The following YY1AP1 variants were observed in gnomAD, a reference collection of about 807,000 sequenced individuals.
The protein encoded by YY1AP1 is YY1 associated protein 1, also known as YY1-associated protein 1.
Under a neutral mutation model 39.9 loss-of-function variants are expected in YY1AP1, and 43 were observed. That is an observed-to-expected ratio of 1.08 (90% CI 0.84 to 1.39). YY1AP1 has a LOEUF of 1.39. Among genes scored for constraint, YY1AP1 ranks in the 40% most tolerant of loss-of-function variants. The pLI is 0.00. For missense variants in YY1AP1, 813 were observed against 900.7 expected (o/e 0.90, Z 1.25); for synonymous variants, 292 against 331.3 (o/e 0.88, Z 1.29).
chr1:155,688,358 T>G, intron 1 of YY1AP1, 157 bp from the exon 2 acceptor site: 1 of 1,547,190 alleles, frequency 6.5e-7, no homozygotes, highest in Non-Finnish European at 8.7e-7. Flanking sequence ...CCGCGGCAGC[T>G]CCTCCAGAGG....
chr1:155,682,798 T>C (rs1414981700), intron 2 of YY1AP1, among the ~76,000 whole-genome samples: 1 of 152,078 alleles, frequency 6.6e-6, no homozygotes, highest in African/African-American at 2.4e-5. Context: ...CAGAAGAATT[T>C]TGCTCTTCTG....
At chr1:155,682,884 G>A (rs113211961) in intron 2 of YY1AP1, among the ~76,000 whole-genome samples, 3,538 of 151,328 alleles carry the variant, frequency 0.023, 143 homozygotes, top group African/African-American at 0.082. Flanking sequence ...TCAGGAGTTC[G>A]AGACCAGCCT....
chr1:155,684,731 G>T (rs986927654), intron 2 of YY1AP1, among the ~76,000 whole-genome samples: 1 of 151,974 alleles, frequency 6.6e-6, no homozygotes, highest in East Asian at 1.9e-4. Flanking sequence ...GACTACAGGT[G>T]CACTCCAACA....
intron 7 of YY1AP1, chr1:155,672,310 T>C (rs937277148): frequency 1.4e-5 from 8 of 565,564 alleles, no homozygotes; most frequent in Admixed American, 8.8e-5. Context: ...GCACTGAGCC[T>C]CAGATCTCTA....
intron 7 of YY1AP1, 119 bp from the exon 8 acceptor site, chr1:155,670,583 A>G (rs1649703673): frequency 9.6e-7 from 1 of 1,038,938 alleles, no homozygotes; most frequent in Admixed American, 2.3e-5. Flanking sequence ...ATTCCCTCCC[A>G]TCTGCCTACC....
intron 8 of YY1AP1, 47 bp downstream of exon 8, chr1:155,670,273 C>G: frequency 9.3e-6 from 15 of 1,611,070 alleles, no homozygotes; most frequent in Non-Finnish European, 1.3e-5. Context: ...CTCAAAGGAA[C>G]TACATCTTCT....
chr1:155,686,600 T>C (rs1652409555), intron 2 of YY1AP1, among the ~76,000 whole-genome samples: 2 of 152,190 alleles, frequency 1.3e-5, no homozygotes, highest in South Asian at 2.1e-4. Context: ...TTATATTTGT[T>C]GAATGAGTGA....
chr1:155,672,285 G>A (rs912641249), intron 7 of YY1AP1: 1 of 514,080 alleles, frequency 1.9e-6, no homozygotes, highest in Non-Finnish European at 3.5e-6. Flanking sequence ...TCATATTGCT[G>A]TAGTCCAATT....
intron 2 of YY1AP1, among the ~76,000 whole-genome samples, chr1:155,686,837 C>T (rs1237948831): frequency 6.6e-6 from 1 of 151,986 alleles, no homozygotes; most frequent in Non-Finnish European, 1.5e-5. Context: ...CTGACACAAT[C>T]GGTCTCCCCC....
Position 155,688,711 on chromosome 1 carries a change from C to T in YY1AP1, c.-204G>A. On this transcript the variant is annotated 5_prime_UTR_variant, in exon 1 of 11. Transcript: ENST00000355499. ...CCACCTCCTCTTCTCTCCTCCCCCTCCCTCCCCGCCCGCACGGCCACCAAC... is the reference window on the plus strand; with the variant it reads ...CCACCTCCTCTTCTCTCCTCCCCCTTCCTCCCCGCCCGCACGGCCACCAAC... 1 of 1,519,644 alleles carries T rather than the reference C, an allele frequency of 6.6e-7. No homozygotes were observed. The highest frequency in any genetic ancestry group is 1.9e-4 in the Middle Eastern group (1 of 5,230). 94.1% of individuals were successfully genotyped at this position (1,519,644 alleles called of 1,614,324 possible).
intron 2 of YY1AP1, among the ~76,000 whole-genome samples, chr1:155,686,514 C>T (rs1386797786): frequency 1.3e-5 from 2 of 152,156 alleles, no homozygotes; most frequent in Admixed American, 6.5e-5. Context: ...AACAACTCCC[C>T]TCAGATTGCA....
At chr1:155,666,783 T>C (rs1649075130) in intron 9 of YY1AP1, among the ~76,000 whole-genome samples, 1 of 151,894 alleles carries the variant, frequency 6.6e-6, no homozygotes, top group Non-Finnish European at 1.5e-5. Context: ...GCAGATCACC[T>C]GAGATCAGGA....
intron 3 of YY1AP1, 189 bp from the exon 4 acceptor site, chr1:155,679,701 G>C: frequency 1.0e-6 from 1 of 985,412 alleles, no homozygotes; most frequent in African/African-American, 1.7e-5. Context: ...ATTATGCCAG[G>C]AAAGAAGTTG....
chr1:155,668,389 G>C (rs541520137), intron 9 of YY1AP1, among the ~76,000 whole-genome samples: 4 of 152,104 alleles, frequency 2.6e-5, no homozygotes, highest in Non-Finnish European at 5.9e-5. Context: ...TCAAGAAAGA[G>C]AATTATTACA....
rs1386980686 is a variant in YY1AP1 at position 155,660,250 on chromosome 1, T to C, written c.1660A>G (p.Ile554Val). 1.9e-6 allele frequency: 3 copies of C among 1,614,162 alleles called. No homozygotes were observed. Among genetic ancestry groups the C allele is most frequent in the South Asian group, 1.1e-5 (1 of 91,080 alleles). ...PAPVIHPASV[I>V]FTVPATTVKI... ...ACAGTGGTAGCAGGAACAGTGAAGA[T>C]AACAGATGCAGGGTGGATAACAGGG... Residue 554 changes from isoleucine to valine, a missense_variant, in exon 11 of 11, where the codon ATC becomes GTC. Physicochemically the swap from Ile to Val is conservative, Grantham distance 29. This residue lies in a region of YY1AP1 where 586 missense variants were observed against 647.4 expected (regional missense o/e 0.91). Transcript: ENST00000355499.
chr1:155,665,524 G>A (rs1276280098), intron 9 of YY1AP1, among the ~76,000 whole-genome samples: 7 of 151,684 alleles, frequency 4.6e-5, no homozygotes, highest in Non-Finnish European at 8.8e-5. Flanking sequence ...GCTTGAACCC[G>A]GGAGGCGGAC....
At chr1:155,672,448 G>A in intron 7 of YY1AP1, 112 bp downstream of exon 7, 1 of 1,214,172 alleles carries the variant, frequency 8.2e-7, no homozygotes. Flanking sequence ...AATTACAAAT[G>A]TCCTGTGTCC....
intron 5 of YY1AP1, among the ~76,000 whole-genome samples, chr1:155,675,420 C>A (rs1393287831): frequency 6.6e-6 from 1 of 152,064 alleles, no homozygotes; most frequent in African/African-American, 2.4e-5. Flanking sequence ...CTCTGCCTCC[C>A]AGGTTCAAGT....
chr1:155,674,205 G>A (rs562114796), intron 6 of YY1AP1, among the ~76,000 whole-genome samples: 4 of 144,208 alleles, frequency 2.8e-5, no homozygotes, highest in Non-Finnish European at 6.0e-5. Context: ...ACCTCAAAAC[G>A]TCATGAGCAA....
Sources: gnomAD v4.1 joint callset for allele counts (sites outside exome capture counted in the v4.1 genomes callset) on GRCh38, gnomAD v4.1.1 for gene constraint, gnomAD v4.1.1 regional missense constraint, MANE v1.5 for transcripts, NCBI Gene and HGNC (gene_info 2026-07-23, HGNC 2026-07-21) for gene names.